ANXA8: variants seen among roughly 807,000 people sequenced by gnomAD.
The protein encoded by ANXA8 is VAC-beta.
In ANXA8, 9 loss-of-function variants were observed where a neutral mutation model predicts 26.8. That is an observed-to-expected ratio of 0.34 (90% CI 0.20 to 0.59). ANXA8 has a LOEUF of 0.59. Among genes scored for constraint, ANXA8 ranks in the 20% least tolerant of loss-of-function variants. The probability of loss-of-function intolerance (pLI) is 0.84; values close to 1 mark genes in which losing one functional copy is unlikely to be tolerated. For missense variants in ANXA8, 83 were observed against 238.5 expected, an observed-to-expected ratio of 0.35 and a Z score of 4.29; for synonymous variants, 39 against 94.8, an observed-to-expected ratio of 0.41 and a Z score of 3.42.
At chr10:47,679,795 G>A in the ANXA8 span, among the ~76,000 whole-genome samples, 1 of 151,920 alleles carries the variant, frequency 6.6e-6, no homozygotes, top group African/African-American at 2.4e-5. Flanking sequence ...GCATGGGCCT[G>A]TAGTCCTGTC....
chr10:47,577,253 G>A, the ANXA8 span, among the ~76,000 whole-genome samples: 15 of 139,970 alleles, frequency 1.1e-4, 1 homozygote, highest in African/African-American at 4.0e-4. Flanking sequence ...ACAGGGTTGG[G>A]GAAGCTCAGC....
the ANXA8 span, among the ~76,000 whole-genome samples, chr10:47,497,028 A>G: frequency 6.6e-6 from 1 of 150,762 alleles, no homozygotes; most frequent in Admixed American, 6.6e-5. Context: ...AAACGTTAAA[A>G]TTTTTTTTCA....
the ANXA8 span, among the ~76,000 whole-genome samples, chr10:47,562,830 G>A: frequency 6.6e-6 from 1 of 150,734 alleles, no homozygotes. Flanking sequence ...GAGAATAACA[G>A]GTAAGGATCT....
At chr10:47,685,121 C>A in the ANXA8 span, among the ~76,000 whole-genome samples, 1 of 149,716 alleles carries the variant, frequency 6.7e-6, no homozygotes, top group African/African-American at 2.5e-5. Context: ...CTGAGGCGGG[C>A]GGATCAGCTG....
chr10:47,474,062 A>G lies in ANXA8; in HGVS notation c.650T>C (p.Phe217Ser). 3.7e-6 allele frequency: 2 copies of G among 543,372 alleles called. No homozygotes were observed. Among genetic ancestry groups the G allele is most frequent in the Non-Finnish European group, 6.4e-6 (2 of 313,138 alleles). 33.7% of individuals were successfully genotyped at this position (543,372 alleles called of 1,614,324 possible). The change falls in exon 9 of 12, where the codon TTT becomes TCT. Residue 217 changes from phenylalanine to serine, a missense_variant. This residue lies in a region of ANXA8 where 28 missense variants were observed against 37.7 expected (regional missense o/e 0.74). Coordinates refer to ENST00000585281, the MANE Select transcript of ANXA8 (RefSeq NM_001040084.3). Reference sequence around the variant, plus strand: ...GTTGGCAATTTTCTCATACTCTTCAAACACTGTGGAGAGGGCTCTGCTCAG... The same window carrying G: ...GTTGGCAATTTTCTCATACTCTTCAGACACTGTGGAGAGGGCTCTGCTCAG... The part of the protein sequence containing the change: ...TRSATHLLRV[F>S]EEYEKIANKS...
the ANXA8 span, among the ~76,000 whole-genome samples, chr10:47,682,659 C>T: frequency 0.083 from 11,516 of 138,902 alleles, 2 homozygotes; most frequent in African/African-American, 0.12. Context: ...TTAGTAGAGA[C>T]GGGGGTTTTG....
At chr10:47,688,255 C>T in the ANXA8 span, among the ~76,000 whole-genome samples, 2 of 147,784 alleles carry the variant, frequency 1.4e-5, no homozygotes, top group African/African-American at 5.0e-5. Context: ...CCACTATGTC[C>T]AGCTAATTTT....
At chr10:47,485,511 C>A (rs1384775516), upstream of ANXA8, among the ~76,000 whole-genome samples, 2 of 152,048 alleles carry the variant, frequency 1.3e-5, no homozygotes, top group South Asian at 2.1e-4. Flanking sequence ...GGGCTGTTCA[C>A]AAACTGTGAG....
At chr10:47,596,993 G>A in the ANXA8 span, among the ~76,000 whole-genome samples, 54 of 148,902 alleles carry the variant, frequency 3.6e-4, 2 homozygotes, top group East Asian at 5.8e-3. Flanking sequence ...GATGAACATA[G>A]ATGAAAAAAT....
chr10:47,547,065 G>T, the ANXA8 span, among the ~76,000 whole-genome samples: 1 of 111,296 alleles, frequency 9.0e-6, no homozygotes, highest in Non-Finnish European at 1.9e-5. Context: ...GTAGGGTCAG[G>T]AATAAAAGGG....
At chr10:47,696,075 T>G in the ANXA8 span, among the ~76,000 whole-genome samples, 1 of 151,552 alleles carries the variant, frequency 6.6e-6, no homozygotes, top group Non-Finnish European at 1.5e-5. Context: ...CTTCTGGTCC[T>G]AAAAAAAATT....
chr10:47,492,675 T>C, the ANXA8 span, among the ~76,000 whole-genome samples: 3 of 137,484 alleles, frequency 2.2e-5, no homozygotes, highest in South Asian at 6.6e-4. Flanking sequence ...TGCAAGCTCC[T>C]GGTAAACACC....
At chr10:47,895,087 C>T in the ANXA8 span, among the ~76,000 whole-genome samples, 15 of 152,094 alleles carry the variant, frequency 9.9e-5, no homozygotes, top group Middle Eastern at 3.4e-3. Flanking sequence ...CACACATACC[C>T]CACATGATAT....
At chr10:47,469,141 A>C (rs1196599885) in intron 11 of ANXA8, among the ~76,000 whole-genome samples, 1 of 148,416 alleles carries the variant, frequency 6.7e-6, no homozygotes, top group African/African-American at 2.5e-5. Context: ...ATTGATGTGG[A>C]AAATGAATCA....
At chr10:47,670,088 A>G in the ANXA8 span, among the ~76,000 whole-genome samples, 5 of 151,958 alleles carry the variant, frequency 3.3e-5, no homozygotes, top group East Asian at 7.7e-4. Flanking sequence ...TTTTGTGGAT[A>G]TTTCATATAA....
chr10:47,778,784 A>G, the ANXA8 span, among the ~76,000 whole-genome samples: 1 of 151,870 alleles, frequency 6.6e-6, no homozygotes, highest in East Asian at 1.9e-4. Flanking sequence ...CAAGCACTGT[A>G]CAGCATAATT....
At chr10:47,552,345 C>G in the ANXA8 span, among the ~76,000 whole-genome samples, 20,674 of 139,410 alleles carry the variant, frequency 0.15, 1,576 homozygotes, top group East Asian at 0.43. Context: ...CATTCTAACT[C>G]TAAATAGTCA....
At chr10:47,560,644 G>A in the ANXA8 span, among the ~76,000 whole-genome samples, 1 of 151,920 alleles carries the variant, frequency 6.6e-6, no homozygotes, top group Non-Finnish European at 1.5e-5. Flanking sequence ...CAGTTGTGAC[G>A]CCCATCCTAG....
the ANXA8 span, among the ~76,000 whole-genome samples, chr10:47,623,968 G>A: frequency 1.0e-5 from 1 of 98,288 alleles, no homozygotes; most frequent in Non-Finnish European, 2.1e-5. Context: ...CGGGCGCAGT[G>A]GCTGATGCCT....
Sources: allele counts gnomAD v4.1 joint callset (sites outside exome capture counted in the v4.1 genomes callset), GRCh38; gene constraint gnomAD v4.1.1; regional missense constraint gnomAD v4.1.1; transcripts MANE v1.5; gene names NCBI Gene and HGNC (gene_info 2026-07-23, HGNC 2026-07-21).